ZYX: variants seen among roughly 807,000 people sequenced by gnomAD.
The protein encoded by ZYX is zyxin, also known as zyxin-2.
ZYX carries 37 observed loss-of-function variants against 58.1 expected under a neutral mutation model. That is an observed-to-expected ratio of 0.64 (90% confidence interval 0.49 to 0.84). ZYX has a LOEUF of 0.84. Ranked by LOEUF, ZYX falls within the 40% of genes least tolerant of loss-of-function variation. The probability of loss-of-function intolerance (pLI) is 0.00; values close to 1 mark genes in which losing one functional copy is unlikely to be tolerated. For synonymous variants in ZYX, 324 were observed against 321.1 expected (o/e 1.01, Z -0.10); for missense variants, 762 against 761.6 (o/e 1.00, Z -0.01).
rs1804930361 is a variant in ZYX, at chr7:143,388,055, TGGC to T, written c.1024-161_1024-159del. On this transcript the variant is annotated intron_variant, in intron 5 of 9. Transcript: ENST00000322764. This position sits in a 1 kb window ranked among gnomAD's most constrained non-coding sequence, Gnocchi z 7.5. ...CCTGTTATTTGTGTGGTGCTGGGGA[TGGC>T]GGGGGTAGGGGGACGAGGGAGAAGC... 1.3e-6 allele frequency: 1 copy of T among 748,142 alleles called. No homozygotes were observed. 46.3% of individuals were successfully genotyped at this position (748,142 alleles called of 1,614,324 possible). A position where few individuals can be genotyped will look rare whatever the true frequency, so the allele number is the denominator to read the frequency against.
chr7:143,388,989 T>C lies in ZYX; in HGVS notation c.1493+44T>C. 1 of 1,575,090 alleles carries C rather than the reference T, an allele frequency of 6.3e-7. No individual in the cohort carries two copies. The highest frequency in any genetic ancestry group is 8.6e-7 in the Non-Finnish European group (1 of 1,160,648). ...CCTTCTGGGTTCCCGGCGTGCTTGG[T>C]CTGGTAGCCCGGCTGCTTGCTACCC... On this transcript the variant is annotated intron_variant, in intron 8 of 9. Coordinates refer to ENST00000322764, the MANE Select transcript of ZYX (RefSeq NM_003461.5). The surrounding 1 kb of genome is among the most constrained non-coding windows in gnomAD (Gnocchi z 7.5).
chr7:143,384,841 C>T lies in ZYX; in HGVS notation c.1023+1519C>T, dbSNP rs557244052. Among the ~76,000 whole-genome samples, 24 of 152,012 alleles carry T rather than the reference C, an allele frequency of 1.6e-4. No homozygotes were observed. The highest frequency in any genetic ancestry group is 2.1e-4 in the South Asian group (1 of 4,826). On this transcript the variant is annotated intron_variant, in intron 5 of 9. Transcript: ENST00000322764. This position sits in a 1 kb window ranked among gnomAD's most constrained non-coding sequence, Gnocchi z 4.9. ...AGTCCAGAAGGGGAAATGGTTTGGA[C>T]GGGAAGAGGAGGGGTCCAGCTGTCA... is the stretch of plus-strand genomic sequence containing the variant.
In ZYX at chr7:143,390,060, G is replaced by T; in HGVS notation, c.1614+83G>T. ...CTGCTTACTAACTGGGAGGTGGAAA[G>T]CACCAGCATTCAGGAAACAGGGCTG... On this transcript the variant is annotated intron_variant, in intron 9 of 9. Coordinates refer to ENST00000322764, the MANE Select transcript of ZYX (RefSeq NM_003461.5). The surrounding 1 kb of genome is among the most constrained non-coding windows in gnomAD (Gnocchi z 4.3). The T allele has an allele frequency of 2.5e-6, 4 of 1,572,164 alleles. No homozygotes were observed. The highest frequency in any genetic ancestry group is 2.6e-6 in the Non-Finnish European group (3 of 1,152,768).
chr7:143,382,880 C>T lies in ZYX; in HGVS notation c.581C>T (p.Thr194Ile), dbSNP rs1459365433. Residue 194 changes from threonine to isoleucine, a missense_variant, in exon 5 of 10, where the codon ACA (threonine) becomes ATA (isoleucine). Physicochemically the swap from Thr to Ile is moderately conservative, Grantham distance 89 (BLOSUM62 -1). Transcript: ENST00000322764. ...KSSTKPAAGG[T>I]APLPPWKSPS... ...AGTACCAAGCCTGCAGCCGGGGGCA[C>T]AGCACCCCTGCCTCCTTGGAAGTCC... 7 of 1,613,498 alleles carry T rather than the reference C, an allele frequency of 4.3e-6. No individual in the cohort carries two copies. The highest frequency in any genetic ancestry group is 1.1e-5 in the South Asian group (1 of 90,982).
In ZYX at chr7:143,388,239, A is replaced by G; in HGVS notation, c.1044A>G (p.Pro348=). 1.9e-6 allele frequency: 3 copies of G among 1,607,932 alleles called. No individual in the cohort carries two copies. Among genetic ancestry groups the G allele is most frequent in the Non-Finnish European group, 2.5e-6 (3 of 1,177,154 alleles). The change falls in exon 6 of 10, where the codon CCA becomes CCG. Residue 348 remains proline (P), a synonymous_variant. Transcript: ENST00000322764. This position sits in a 1 kb window ranked among gnomAD's most constrained non-coding sequence, Gnocchi z 7.5. ...NQNQVRSPGA[P]GPLTLKEVEE... is the part of the protein sequence containing the mutation. The stretch of plus-strand genomic sequence containing the variant: ...TGCAGGTGCGCTCCCCTGGGGCCCC[A>G]GGGCCCCTGACTCTGAAGGAGGTGG...
intron 2 of ZYX, 88 bp downstream of exon 2, chr7:143,381,867 T>C: frequency 7.6e-7 from 1 of 1,307,212 alleles, no homozygotes. Context: ...CTGGAAAGGT[T>C]GTTGCCGAGG....
intron 2 of ZYX, 60 bp from the exon 3 acceptor site, chr7:143,382,188 G>A (rs1586560839): frequency 2.1e-6 from 3 of 1,424,494 alleles, no homozygotes; most frequent in Non-Finnish European, 2.0e-6. Context: ...GGTTAACTGA[G>A]GGGAGCTTGG....
intron 2 of ZYX, 95 bp from the exon 3 acceptor site, chr7:143,382,153 G>A: frequency 9.5e-7 from 1 of 1,054,230 alleles, no homozygotes; most frequent in Non-Finnish European, 1.4e-6. Context: ...ACCCCTGAGA[G>A]AGTTCTTGGG....
In ZYX at chr7:143,388,339, G is replaced by C; in HGVS notation, c.1144G>C (p.Glu382Gln). Residue 382 changes from glutamate to glutamine, a missense_variant and splice_region_variant, in exon 6 of 10, where the codon GAA becomes CAA. By Grantham distance (29) the Glu-to-Gln change is conservative (BLOSUM62 2). Transcript: ENST00000322764. The surrounding 1 kb of genome is among the most constrained non-coding windows in gnomAD (Gnocchi z 7.5). ...TCAGAGGCAGAATGTGGCTGTCAAC[G>C]GTGAGCCCACCCCACCGGGACACCC... Reference protein sequence around the residue: ...HPQRQNVAVNELCGRCHQPLA... With the variant: ...HPQRQNVAVNQLCGRCHQPLA... 6.2e-7 allele frequency: 1 copy of C among 1,613,638 alleles called. No individual in the cohort carries two copies. The highest frequency in any genetic ancestry group is 1.1e-5 in the South Asian group (1 of 91,070).
rs181913993 is a variant in ZYX at position 143,388,637 on chromosome 7, G to A, written c.1293G>A (p.Pro431=). The change falls in exon 7 of 10, where the codon CCG becomes CCA. Residue 431 remains proline (P), a synonymous_variant. Coordinates refer to ENST00000322764, the MANE Select transcript of ZYX (RefSeq NM_003461.5). The surrounding 1 kb of genome is among the most constrained non-coding windows in gnomAD (Gnocchi z 7.5). Reference sequence around the variant, plus strand: ...AGTTCTACAGTCTGGAGGGGGCGCCGTACTGCGAGGGCTGTTACACTGTGA... The same window carrying A: ...AGTTCTACAGTCTGGAGGGGGCGCCATACTGCGAGGGCTGTTACACTGTGA... ...GQQFYSLEGA[P]YCEGCYTDTL... is the part of the protein sequence containing the mutation. 9.5e-5 allele frequency: 153 copies of A among 1,613,536 alleles called. No individual in the cohort carries two copies. In the East Asian group the frequency reaches 2.7e-3, roughly 28 times the overall value.
At position 143,382,884 on chromosome 7, in the gene ZYX, A is replaced by C. The variant is rs748318076; in HGVS notation, c.585A>C (p.Ala195=). 1 of 1,613,438 alleles carries C rather than the reference A, an allele frequency of 6.2e-7. No homozygotes were observed. Among genetic ancestry groups the C allele is most frequent in the Non-Finnish European group, 8.5e-7 (1 of 1,179,772 alleles). ...CCAAGCCTGCAGCCGGGGGCACAGC[A>C]CCCCTGCCTCCTTGGAAGTCCCCTT... ...SSTKPAAGGT[A]PLPPWKSPSS... The change falls in exon 5 of 10, where the codon GCA becomes GCC. Residue 195 remains alanine, a synonymous_variant. Coordinates refer to ENST00000322764, the MANE Select transcript of ZYX (RefSeq NM_003461.5).
Position 143,383,166 on chromosome 7 carries a change from G to A in ZYX, c.867G>A (p.Gly289=). Reference sequence around the variant, plus strand: ...GTCCTGGAGCCCCAGGTGGATCTGGGTCACAACCAAATCAAAAATTGGGGC... The same window carrying A: ...GTCCTGGAGCCCCAGGTGGATCTGGATCACAACCAAATCAAAAATTGGGGC... The part of the protein sequence containing the change: ...KFSPGAPGGS[G]SQPNQKLGHP... The change falls in exon 5 of 10, where the codon GGG becomes GGA. Residue 289 remains glycine, a synonymous_variant. Coordinates refer to ENST00000322764, the MANE Select transcript of ZYX (RefSeq NM_003461.5). 6 of 1,614,174 alleles carry A rather than the reference G, an allele frequency of 3.7e-6. No homozygotes were observed. The highest frequency in any genetic ancestry group is 2.2e-5 in the South Asian group (2 of 91,084).
rs549856034 is a variant in ZYX, at chr7:143,390,828, C to A, written c.*146C>A. On this transcript the variant is annotated 3_prime_UTR_variant, in exon 10 of 10. Transcript: ENST00000322764. This position sits in a 1 kb window ranked among gnomAD's most constrained non-coding sequence, Gnocchi z 4.3. Reference sequence around the variant, plus strand: ...CCCTAGCATCCCAGGTGCCCTGACCCAGGACCCAACATGGTCTAGGGATGC... The same window carrying A: ...CCCTAGCATCCCAGGTGCCCTGACCAAGGACCCAACATGGTCTAGGGATGC... 1.4e-4 allele frequency: 91 copies of A among 658,474 alleles called. 1 individual carries two copies. The highest frequency in any genetic ancestry group is 7.7e-4 in the South Asian group (44 of 57,076). 40.8% of individuals were successfully genotyped at this position (658,474 alleles called of 1,614,324 possible). A position where few individuals can be genotyped will look rare whatever the true frequency, so the allele number is the denominator to read the frequency against.
chr7:143,389,023 G>T lies in ZYX; in HGVS notation c.1493+78G>T, dbSNP rs560535099. 2.0e-6 allele frequency: 3 copies of T among 1,506,966 alleles called. No homozygotes were observed. The highest frequency in any genetic ancestry group is 4.5e-5 in the East Asian group (2 of 44,104). The allele number at this position is 1,506,966 out of a possible 1,614,324, so 93.3% of individuals were successfully genotyped here. Reference sequence around the variant, plus strand: ...CCGGCTGCTTGCTACCCTAGCCTCAGGACAGCCCCAAACCCCTGGTGGTGT... The same window carrying T: ...CCGGCTGCTTGCTACCCTAGCCTCATGACAGCCCCAAACCCCTGGTGGTGT... On this transcript the variant is annotated intron_variant, in intron 8 of 9. Transcript: ENST00000322764. This position sits in a 1 kb window ranked among gnomAD's most constrained non-coding sequence, Gnocchi z 5.6.
chr7:143,390,843 T>C lies in ZYX; in HGVS notation c.*161T>C. 1.6e-6 allele frequency: 1 copy of C among 618,414 alleles called. No homozygotes were observed. The highest frequency in any genetic ancestry group is 2.9e-6 in the Non-Finnish European group (1 of 344,654). 38.3% of individuals were successfully genotyped at this position (618,414 alleles called of 1,614,324 possible). A position where few individuals can be genotyped will look rare whatever the true frequency, so the allele number is the denominator to read the frequency against. On this transcript the variant is annotated 3_prime_UTR_variant, in exon 10 of 10. Transcript: ENST00000322764. This position sits in a 1 kb window ranked among gnomAD's most constrained non-coding sequence, Gnocchi z 4.3. The stretch of plus-strand genomic sequence containing the variant: ...TGCCCTGACCCAGGACCCAACATGG[T>C]CTAGGGATGCAGGATCCCCGCCCTG...
Position 143,388,572 on chromosome 7 carries a change from T to G in ZYX, c.1228T>G (p.Phe410Val), listed in dbSNP as rs756110512. Residue 410 changes from phenylalanine to valine, a missense_variant, in exon 7 of 10, where the codon TTC (phenylalanine) becomes GTC (valine). Phe to Val is a conservative substitution (Grantham distance 50). Coordinates refer to ENST00000322764, the MANE Select transcript of ZYX (RefSeq NM_003461.5). The surrounding 1 kb of genome is among the most constrained non-coding windows in gnomAD (Gnocchi z 7.5). ...ALGQLFHIAC[F>V]TCHQCAQQLQ... ...AGGGCAGCTGTTCCACATCGCCTGC[T>G]TCACCTGCCACCAGTGTGCGCAGCA... The G allele has an allele frequency of 6.2e-7, 1 of 1,612,380 alleles. No homozygotes were observed. Among genetic ancestry groups the G allele is most frequent in the Admixed American group, 1.7e-5 (1 of 60,014 alleles).
rs1804976293 is a variant in ZYX, at chr7:143,389,079, C to T, written c.1493+134C>T. The T allele has an allele frequency of 2.8e-5, 30 of 1,059,058 alleles. No homozygotes were observed. The highest frequency in any genetic ancestry group is 3.9e-5 in the Non-Finnish European group (29 of 744,334). 65.6% of individuals were successfully genotyped at this position (1,059,058 alleles called of 1,614,324 possible). ...GGTCCCATGTCCTGTCTGTAAACAG[C>T]AGGGACCAAGTCATCGGGATGTAGC... On this transcript the variant is annotated intron_variant, in intron 8 of 9. Coordinates refer to ENST00000322764, the MANE Select transcript of ZYX (RefSeq NM_003461.5). The surrounding 1 kb of genome is among the most constrained non-coding windows in gnomAD (Gnocchi z 5.6).
rs369474210 is a variant in ZYX, at chr7:143,382,289, G to A, written c.250G>A (p.Asp84Asn). Residue 84 changes from aspartate (D) to asparagine (N), a missense_variant, in exon 3 of 10, where the codon GAT becomes AAT. By Grantham distance (23) the Asp-to-Asn change is conservative (BLOSUM62 1). Transcript: ENST00000322764. ...PPPPLAGDGDDAEGALGGAFP... is the reference protein window; with the variant it reads ...PPPPLAGDGDNAEGALGGAFP... ...ACCTCCCCTTGCTGGGGATGGCGAC[G>A]ATGCAGAGGGTGCTCTGGGAGGTGC... is the stretch of plus-strand genomic sequence containing the variant. The A allele has an allele frequency of 3.1e-6, 5 of 1,612,804 alleles. No individual in the cohort carries two copies. In the South Asian group the frequency reaches 4.4e-5, roughly 14 times the overall value.
intron 2 of ZYX, 87 bp from the exon 3 acceptor site, chr7:143,382,161 G>C (rs1403026260): frequency 8.9e-7 from 1 of 1,128,492 alleles, no homozygotes; most frequent in East Asian, 2.4e-5. Flanking sequence ...GAGAGTTCTT[G>C]GGTTAGGGGT....
Sources: gnomAD v4.1 joint callset for allele counts (sites outside exome capture counted in the v4.1 genomes callset) on GRCh38, gnomAD v4.1.1 for gene constraint, Gnocchi (gnomAD v3.1) non-coding constraint, MANE v1.5 for transcripts, NCBI Gene and HGNC (gene_info 2026-07-23, HGNC 2026-07-21) for gene names.